PXDNL: variants seen among roughly 807,000 people sequenced by gnomAD.
PXDNL encodes the protein peroxidasin like.
A neutral mutation model predicts 150.8 loss-of-function variants in PXDNL; 145 were observed. The observed-to-expected ratio is 0.96, with a 90% confidence interval of 0.84 to 1.10. The LOEUF (loss-of-function observed/expected upper bound fraction) is 1.10, where lower values mean the gene tolerates loss of function less well. PXDNL is among the 50% of genes least tolerant of loss of function. The pLI, the probability that PXDNL is intolerant of heterozygous loss-of-function variation, is 0.00. For missense variants in PXDNL, 2,087 were observed against 1,873.9 expected (o/e 1.11, Z -2.10); for synonymous variants, 757 against 725.7 (o/e 1.04, Z -0.69).
intron 1 of PXDNL, among the ~76,000 whole-genome samples, chr8:51,786,580 T>C (rs1331294838): frequency 6.6e-6 from 1 of 151,684 alleles, no homozygotes; most frequent in Non-Finnish European, 1.5e-5. Context: ...CTGAGAGCAT[T>C]TCTGTGCCCT....
At chr8:51,808,780 C>G (rs2037704734) in intron 1 of PXDNL, among the ~76,000 whole-genome samples, 1 of 152,190 alleles carries the variant, frequency 6.6e-6, no homozygotes, top group Admixed American at 6.5e-5. Context: ...ATTGAAACCA[C>G]ACTCTAAAGT....
chr8:51,804,211 T>A (rs1397914661), intron 1 of PXDNL, among the ~76,000 whole-genome samples: 1 of 152,178 alleles, frequency 6.6e-6, no homozygotes, highest in Non-Finnish European at 1.5e-5. Flanking sequence ...GGCTTCTAGG[T>A]CATACATAGA....
intron 3 of PXDNL, among the ~76,000 whole-genome samples, chr8:51,583,243 G>A (rs1424016252): frequency 6.6e-6 from 1 of 152,056 alleles, no homozygotes; most frequent in Non-Finnish European, 1.5e-5. Flanking sequence ...GGTTGTATGA[G>A]GAACATGGCG....
At chr8:51,540,224 A>G (rs566664442) in intron 4 of PXDNL, among the ~76,000 whole-genome samples, 48 of 152,080 alleles carry the variant, frequency 3.2e-4, no homozygotes, top group African/African-American at 1.0e-3. Context: ...TTCTCTCTCT[A>G]TGGTTTAACT....
At chr8:51,586,541 G>A (rs1813326518) in intron 3 of PXDNL, among the ~76,000 whole-genome samples, 1 of 152,172 alleles carries the variant, frequency 6.6e-6, no homozygotes, top group Non-Finnish European at 1.5e-5. Context: ...CAGTGAGTGA[G>A]AGATTTCAGA....
At chr8:51,446,777 T>A (rs757563833) in intron 12 of PXDNL, among the ~76,000 whole-genome samples, 7 of 152,158 alleles carry the variant, frequency 4.6e-5, no homozygotes, top group Non-Finnish European at 1.0e-4. Flanking sequence ...TGAAATGGCA[T>A]TTTTAAGGAA....
chr8:51,463,839 T>C (rs939718607), intron 8 of PXDNL, among the ~76,000 whole-genome samples: 4 of 152,146 alleles, frequency 2.6e-5, no homozygotes, highest in East Asian at 1.9e-4. Flanking sequence ...TAATCCTGAA[T>C]GACTTTTGGG....
intron 1 of PXDNL, among the ~76,000 whole-genome samples, chr8:51,685,018 CTAA>C (rs1018134474): frequency 2.6e-5 from 4 of 152,206 alleles, no homozygotes; most frequent in African/African-American, 9.6e-5. Context: ...AAACTGGGAA[CTAA>C]TAAATGGATA....
At chr8:51,680,759 G>GT (rs1334647689) in intron 1 of PXDNL, among the ~76,000 whole-genome samples, 1 of 152,160 alleles carries the variant, frequency 6.6e-6, no homozygotes, top group African/African-American at 2.4e-5. Flanking sequence ...TCTTGGGCAG[G>GT]TTTTTAGCGT....
At chr8:51,734,434 T>C (rs535919813) in intron 1 of PXDNL, among the ~76,000 whole-genome samples, 1 of 152,328 alleles carries the variant, frequency 6.6e-6, no homozygotes, top group African/African-American at 2.4e-5. Context: ...AATTATGTGG[T>C]TGTGATAGTT....
intron 3 of PXDNL, among the ~76,000 whole-genome samples, chr8:51,574,413 G>A (rs1012345209): frequency 2.6e-5 from 4 of 151,624 alleles, no homozygotes; most frequent in African/African-American, 9.7e-5. Flanking sequence ...CCGAGTCTCA[G>A]GGACTTGTGT....
intron 1 of PXDNL, among the ~76,000 whole-genome samples, chr8:51,727,956 AAAAAG>A (rs971371888): frequency 6.6e-6 from 1 of 152,256 alleles, no homozygotes; most frequent in African/African-American, 2.4e-5. Flanking sequence ...AGAGTAAACA[AAAAAG>A]AAAAGTTAAA....
chr8:51,452,770 T>C (rs982322374), intron 10 of PXDNL, among the ~76,000 whole-genome samples: 1 of 152,242 alleles, frequency 6.6e-6, no homozygotes, highest in Non-Finnish European at 1.5e-5. Flanking sequence ...AAACGGATCA[T>C]GTAAATTACC....
chr8:51,563,573 G>T (rs910494259), intron 3 of PXDNL, among the ~76,000 whole-genome samples: 1 of 151,958 alleles, frequency 6.6e-6, no homozygotes, highest in African/African-American at 2.4e-5. Flanking sequence ...ATGAGTAACA[G>T]AGATTCTGAA....
intron 1 of PXDNL, among the ~76,000 whole-genome samples, chr8:51,792,176 G>A (rs1002075919): frequency 2.3e-4 from 35 of 152,032 alleles, no homozygotes; most frequent in South Asian, 1.9e-3. Context: ...GGTCAGAGGC[G>A]CCCACTGAGA....
intron 20 of PXDNL, among the ~76,000 whole-genome samples, chr8:51,340,744 T>C (rs1805963897): frequency 6.6e-6 from 1 of 152,340 alleles, no homozygotes; most frequent in Admixed American, 6.5e-5. Flanking sequence ...GATAACTCCA[T>C]GTCCTCTGAG....
intron 12 of PXDNL, chr8:51,436,266 T>C (rs1486474874): frequency 2.0e-5 from 10 of 504,918 alleles, no homozygotes; most frequent in Non-Finnish European, 4.0e-5. Flanking sequence ...AGAAGTTTTA[T>C]ATCATAGAAG....
intron 17 of PXDNL, among the ~76,000 whole-genome samples, chr8:51,389,435 T>C (rs1807824807): frequency 6.6e-6 from 1 of 152,176 alleles, no homozygotes; most frequent in African/African-American, 2.4e-5. Context: ...TCTTTCCTGA[T>C]GGGAAGGCAT....
At chr8:51,405,929 C>T (rs1296958234) in intron 17 of PXDNL, among the ~76,000 whole-genome samples, 1 of 152,194 alleles carries the variant, frequency 6.6e-6, no homozygotes, top group Non-Finnish European at 1.5e-5. Flanking sequence ...GCTGCACAGA[C>T]TCTTGGGGCC....
Sources: gnomAD v4.1 joint callset for allele counts (sites outside exome capture counted in the v4.1 genomes callset) on GRCh38, gnomAD v4.1.1 for gene constraint, MANE v1.5 for transcripts, NCBI Gene and HGNC (gene_info 2026-07-23, HGNC 2026-07-21) for gene names.